SORCS2: variants seen among roughly 807,000 people sequenced by gnomAD.
SORCS2 encodes VPS10 domain-containing receptor SorCS2.
A neutral mutation model predicts 141.6 loss-of-function variants in SORCS2; 100 were observed. The ratio of observed to expected loss-of-function variants is 0.71; its 90% CI spans 0.60 to 0.83. SORCS2 has a LOEUF of 0.83. Ranked by LOEUF, SORCS2 falls within the 40% of genes least tolerant of loss-of-function variation. The probability of loss-of-function intolerance (pLI) is 0.00; values close to 1 mark genes in which losing one functional copy is unlikely to be tolerated. For missense variants in SORCS2, 1,646 were observed against 1,560.2 expected (o/e 1.05, Z -0.93); for synonymous variants, 789 against 676.9 (o/e 1.17, Z -2.57).
In SORCS2 at chr4:7,595,192, C is replaced by T. The variant is rs576497738; in HGVS notation, c.649-43136C>T. Reference sequence around the variant, plus strand: ...AGGAGAGCAGTTTCCTTGCTATTACCGGTTTATTATGGATACAACTCAGCA... The same window carrying T: ...AGGAGAGCAGTTTCCTTGCTATTACTGGTTTATTATGGATACAACTCAGCA... On this transcript the variant is annotated intron_variant, in intron 3 of 26. Coordinates refer to ENST00000507866, the MANE Select transcript of SORCS2 (RefSeq NM_020777.3). Among the ~76,000 whole-genome samples the T allele has an allele frequency of 4.5e-4, 69 of 152,208 alleles. 2 individuals are homozygous for T. The Middle Eastern group carries it at 0.02, about 45-fold the overall frequency.
intron 2 of SORCS2, among the ~76,000 whole-genome samples, chr4:7,466,157 C>T (rs967871016): frequency 2.6e-5 from 4 of 152,228 alleles, no homozygotes; most frequent in African/African-American, 9.6e-5. Flanking sequence ...CGTCCCCAAA[C>T]CAAAAGGTGT....
At chr4:7,398,590 C>G (rs770819147) in intron 2 of SORCS2, among the ~76,000 whole-genome samples, 1 of 152,184 alleles carries the variant, frequency 6.6e-6, no homozygotes, top group Non-Finnish European at 1.5e-5. Flanking sequence ...CCCTACCCAT[C>G]GGAGCAATTA....
At chr4:7,203,008 T>G (rs963770784) in intron 1 of SORCS2, among the ~76,000 whole-genome samples, 1 of 152,142 alleles carries the variant, frequency 6.6e-6, no homozygotes, top group African/African-American at 2.4e-5. Flanking sequence ...GATATCATGG[T>G]TATATGCATT....
chr4:7,302,344 C>T (rs967493321), intron 1 of SORCS2, among the ~76,000 whole-genome samples: 2 of 152,232 alleles, frequency 1.3e-5, no homozygotes, highest in Non-Finnish European at 2.9e-5. Context: ...GTTCCCATCT[C>T]ACTCAGAAGA....
intron 3 of SORCS2, among the ~76,000 whole-genome samples, chr4:7,565,390 T>G (rs1714897630): frequency 6.6e-6 from 1 of 152,090 alleles, no homozygotes; most frequent in African/African-American, 2.4e-5. Flanking sequence ...GTATGGTGAT[T>G]AGAATTATGA....
At chr4:7,296,030 TG>T (rs1717025775) in intron 1 of SORCS2, among the ~76,000 whole-genome samples, 1 of 152,148 alleles carries the variant, frequency 6.6e-6, no homozygotes, top group Non-Finnish European at 1.5e-5. Context: ...CGTGTGTGGC[TG>T]GGGGTCCGTG....
chr4:7,318,160 G>T (rs954132561), intron 1 of SORCS2, among the ~76,000 whole-genome samples: 2 of 152,162 alleles, frequency 1.3e-5, no homozygotes, highest in Non-Finnish European at 2.9e-5. Flanking sequence ...TACTTGGTTT[G>T]GTCCTCTTGT....
intron 2 of SORCS2, among the ~76,000 whole-genome samples, chr4:7,507,331 C>T (rs941044645): frequency 3.9e-5 from 6 of 152,076 alleles, no homozygotes; most frequent in African/African-American, 1.2e-4. Context: ...CGTGCCACCA[C>T]GCCAGGCTAA....
rs146668647 is a variant in SORCS2 at position 7,604,039 on chromosome 4, C to T, written c.649-34289C>T. Among the ~76,000 whole-genome samples, 196 of 152,088 alleles carry T rather than the reference C, an allele frequency of 1.3e-3. 1 individual carries two copies. Among genetic ancestry groups the T allele is most frequent in the African/African-American group, 4.3e-3 (180 of 41,484 alleles). ...TGTTGTGTGTTGTGTGTGACTTGTA[C>T]GGTGTGTGTGACTGCTGTGTGTGTG... On this transcript the variant is annotated intron_variant, in intron 3 of 26. Transcript: ENST00000507866.
At chr4:7,334,846 G>C (rs1332545617) in intron 1 of SORCS2, among the ~76,000 whole-genome samples, 1 of 152,156 alleles carries the variant, frequency 6.6e-6, no homozygotes, top group Non-Finnish European at 1.5e-5. Context: ...GATAGGAGTT[G>C]GCCTGTGGAG....
At chr4:7,484,251 T>A (rs1012765724) in intron 2 of SORCS2, among the ~76,000 whole-genome samples, 3 of 152,198 alleles carry the variant, frequency 2.0e-5, no homozygotes, top group African/African-American at 7.2e-5. Context: ...TCCGAGGTGA[T>A]CGATTTAGGT....
At chr4:7,418,708 C>CCT (rs923273421) in intron 2 of SORCS2, among the ~76,000 whole-genome samples, 2 of 115,934 alleles carry the variant, frequency 1.7e-5, no homozygotes, top group East Asian at 2.4e-4. Context: ...AATGACCCCC[C>CCT]CCCCCACCAG....
intron 2 of SORCS2, among the ~76,000 whole-genome samples, chr4:7,449,679 C>G (rs1728318223): frequency 3.3e-5 from 5 of 151,986 alleles, no homozygotes; most frequent in Admixed American, 3.3e-4. Context: ...CCGGAGCCCC[C>G]ACATCCTCCT....
chr4:7,291,190 C>T (rs535099854), intron 1 of SORCS2, among the ~76,000 whole-genome samples: 3 of 152,178 alleles, frequency 2.0e-5, no homozygotes, highest in Admixed American at 6.5e-5. Flanking sequence ...TCGGATGAGG[C>T]GGCGGTGGGG....
In SORCS2 at chr4:7,712,731, A is replaced by G; in HGVS notation, c.1869-2A>G. On this transcript the variant is annotated splice_acceptor_variant, in intron 14 of 26. Transcript: ENST00000507866. LOFTEE classifies it high-confidence loss of function. ...CTCCCTTCCCTCCTCTTCCCACCCC[A>G]GGGTCTTTGGCCACATCAGCTTCCG... 2 of 1,613,944 alleles carry G rather than the reference A, an allele frequency of 1.2e-6. No individual in the cohort carries two copies. Among genetic ancestry groups the G allele is most frequent in the Non-Finnish European group, 1.7e-6 (2 of 1,179,852 alleles).
intron 2 of SORCS2, among the ~76,000 whole-genome samples, chr4:7,506,803 A>G (rs1189626036): frequency 6.6e-6 from 1 of 152,242 alleles, no homozygotes; most frequent in Non-Finnish European, 1.5e-5. Flanking sequence ...ACCCTGAAAC[A>G]GATGTCAAGG....
chr4:7,502,157 A>G (rs111872029), intron 2 of SORCS2, among the ~76,000 whole-genome samples: 137 of 152,222 alleles, frequency 9.0e-4, no homozygotes, highest in Middle Eastern at 6.8e-3. Context: ...GGGCCATCAG[A>G]AGGGAGGAGG....
At chr4:7,433,512 C>G (rs747345615) in intron 2 of SORCS2, 7 of 1,606,348 alleles carry the variant, frequency 4.4e-6, no homozygotes, top group Admixed American at 3.4e-5. Flanking sequence ...CGGGGTCCAT[C>G]ATGTCCTTGA....
intron 2 of SORCS2, chr4:7,430,273 AAGAGAC>A (rs1726743806): frequency 1.3e-5 from 2 of 151,826 alleles, no homozygotes; most frequent in Non-Finnish European, 2.9e-5. Flanking sequence ...AAAAAAAAAA[AAGAGAC>A]AGAGAGAGAG....
Sources: gnomAD v4.1 joint callset for allele counts (sites outside exome capture counted in the v4.1 genomes callset) on GRCh38, gnomAD v4.1.1 for gene constraint, MANE v1.5 for transcripts, NCBI Gene and HGNC (gene_info 2026-07-23, HGNC 2026-07-21) for gene names.